Variants in PTPN14 observed in about 807,000 individuals in gnomAD.
PTPN14 encodes the protein tyrosine-protein phosphatase non-receptor type 14.
Under a neutral mutation model 126.8 loss-of-function variants are expected in PTPN14, and 53 were observed. The observed-to-expected ratio is 0.42, with a 90% CI of 0.34 to 0.53. The LOEUF is 0.53. PTPN14 is among the 20% of genes least tolerant of loss of function. The probability of loss-of-function intolerance (pLI) is 0.08; values close to 1 mark genes in which losing one functional copy is unlikely to be tolerated. For missense variants in PTPN14, 1,257 were observed against 1,552.9 expected (o/e 0.81, Z 3.20); for synonymous variants, 630 against 599.3 (o/e 1.05, Z -0.75).
chr1:214,407,926 T>A (rs1029822807), intron 5 of PTPN14, among the ~76,000 whole-genome samples: 3 of 152,072 alleles, frequency 2.0e-5, no homozygotes, highest in Non-Finnish European at 4.4e-5. Flanking sequence ...CTGCCACAAC[T>A]CTCCACCCGT....
At chr1:214,477,766 C>G (rs1660898510) in intron 1 of PTPN14, among the ~76,000 whole-genome samples, 1 of 152,116 alleles carries the variant, frequency 6.6e-6, no homozygotes, top group Non-Finnish European at 1.5e-5. Context: ...CTTCAGTTTT[C>G]AAGTGGGACT....
At chr1:214,481,837 A>AT (rs1660995296) in intron 1 of PTPN14, among the ~76,000 whole-genome samples, 1 of 150,684 alleles carries the variant, frequency 6.6e-6, no homozygotes, top group African/African-American at 2.4e-5. Flanking sequence ...TACAAAAAAA[A>AT]TTAGCTGGGC....
At chr1:214,418,620 T>C (rs1481841082) in intron 3 of PTPN14, among the ~76,000 whole-genome samples, 1 of 152,262 alleles carries the variant, frequency 6.6e-6, no homozygotes, top group Non-Finnish European at 1.5e-5. Flanking sequence ...GTGATTTTTA[T>C]GATGCTTCTA....
intron 11 of PTPN14, among the ~76,000 whole-genome samples, chr1:214,387,941 G>A (rs1658660652): frequency 6.6e-6 from 1 of 152,050 alleles, no homozygotes; most frequent in South Asian, 2.1e-4. Flanking sequence ...TAGCTGTCAA[G>A]ACCACTTGCT....
At chr1:214,411,185 T>C (rs1659301686) in intron 5 of PTPN14, among the ~76,000 whole-genome samples, 1 of 152,182 alleles carries the variant, frequency 6.6e-6, no homozygotes, top group Admixed American at 6.5e-5. Flanking sequence ...CCTAGGTATT[T>C]TTTTTTAATG....
intron 13 of PTPN14, among the ~76,000 whole-genome samples, chr1:214,382,806 A>C (rs537483346): frequency 2.0e-5 from 3 of 152,376 alleles, no homozygotes; most frequent in Non-Finnish European, 4.4e-5. Context: ...AATTACTATA[A>C]TTTTCTTGAA....
At chr1:214,439,577 C>T (rs1572001190) in intron 3 of PTPN14, among the ~76,000 whole-genome samples, 1 of 152,296 alleles carries the variant, frequency 6.6e-6, no homozygotes, top group East Asian at 1.9e-4. Flanking sequence ...TCCCCAGCTG[C>T]AAGCACAAGA....
chr1:214,491,831 T>G (rs1264647695), intron 1 of PTPN14, among the ~76,000 whole-genome samples: 3 of 152,210 alleles, frequency 2.0e-5, no homozygotes, highest in Admixed American at 6.5e-5. Context: ...CTGGGTCACC[T>G]GCCAGAGCAA....
At chr1:214,372,502 G>T in intron 16 of PTPN14, 1 of 648,222 alleles carries the variant, frequency 1.5e-6, no homozygotes, top group Non-Finnish European at 2.6e-6. Context: ...AAAATGGGAG[G>T]AGGAAAAGCT....
chr1:214,485,719 C>A (rs188460695), intron 1 of PTPN14, among the ~76,000 whole-genome samples: 1 of 152,010 alleles, frequency 6.6e-6, no homozygotes, highest in Non-Finnish European at 1.5e-5. Flanking sequence ...GACATCTAGT[C>A]TTTTATATTT....
intron 1 of PTPN14, among the ~76,000 whole-genome samples, chr1:214,526,859 A>C (rs1444249837): frequency 6.6e-6 from 1 of 152,204 alleles, no homozygotes; most frequent in East Asian, 1.9e-4. Flanking sequence ...TCGGAGGCCA[A>C]CGCGGGGGGA....
intron 1 of PTPN14, among the ~76,000 whole-genome samples, chr1:214,522,846 T>C (rs561825430): frequency 5.9e-5 from 9 of 152,214 alleles, no homozygotes; most frequent in Non-Finnish European, 1.0e-4. Flanking sequence ...GGGCAACTCC[T>C]TGTTTAGGAC....
At chr1:214,498,714 T>C (rs1374908381) in intron 1 of PTPN14, among the ~76,000 whole-genome samples, 1 of 152,180 alleles carries the variant, frequency 6.6e-6, no homozygotes, top group Non-Finnish European at 1.5e-5. Flanking sequence ...TGCTGATAAT[T>C]TGGTATAATT....
At position 214,384,002 on chromosome 1, in the gene PTPN14, T is replaced by C. The variant is rs1658542942; in HGVS notation, c.1853A>G (p.His618Arg). ...TFQEDSSPVV[H>R]QSLQEVSEPL... Reference sequence around the variant, plus strand: ...CTCGCTCACCTCCTGGAGAGACTGATGAACCACCGGAGAGCTGTCCTCTTG... The same window carrying C: ...CTCGCTCACCTCCTGGAGAGACTGACGAACCACCGGAGAGCTGTCCTCTTG... The change falls in exon 13 of 19, where the codon CAT becomes CGT. Residue 618 changes from histidine (H) to arginine (R), a missense_variant. Physicochemically the swap from His to Arg is conservative, Grantham distance 29. Around this residue, in one of 3 missense-constraint regions of PTPN14, gnomAD observed 1,021 missense variants for 1,183.3 expected, o/e 0.86. Transcript: ENST00000366956. The surrounding 1 kb of genome is among the most constrained non-coding windows in gnomAD (Gnocchi z 5.3). 5 of 1,607,958 alleles carry C rather than the reference T, an allele frequency of 3.1e-6. No individual in the cohort carries two copies. Among genetic ancestry groups the C allele is most frequent in the Non-Finnish European group, 4.2e-6 (5 of 1,179,542 alleles).
rs558229949 is a variant in PTPN14 at position 214,390,117 on chromosome 1, T to C, written c.987+871A>G. ...ACACTGAATATGAAGAAAAATTCAA[T>C]TGCATTCTATCAGCTTGAAAGAATT... On this transcript the variant is annotated intron_variant, in intron 11 of 18. Coordinates refer to ENST00000366956, the MANE Select transcript of PTPN14 (RefSeq NM_005401.5). 2.6e-5 allele frequency among the ~76,000 whole-genome samples: 4 copies of C among 152,350 alleles called. No homozygotes were observed. The South Asian group carries it at 6.2e-4, about 24-fold the overall frequency.
Position 214,414,715 on chromosome 1 carries a change from T to A in PTPN14, c.356A>T (p.Tyr119Phe). 6.2e-7 allele frequency: 1 copy of A among 1,612,602 alleles called. No individual in the cohort carries two copies. Among genetic ancestry groups the A allele is most frequent in the Non-Finnish European group, 8.5e-7 (1 of 1,178,648 alleles). Reference protein sequence around the residue: ...LQQEATRYQYYLQVKKDVLEG... With the variant: ...LQQEATRYQYFLQVKKDVLEG... ...AAGCACATCTTTTTTGACTTGCAGG[T>A]AATACTGATATCTGTTCATGGGAAT... Residue 119 changes from tyrosine (Y) to phenylalanine (F), a missense_variant, in exon 4 of 19, where the codon TAC (tyrosine) becomes TTC (phenylalanine). Physicochemically the swap from Tyr to Phe is conservative, Grantham distance 22. Around this residue, in one of 3 missense-constraint regions of PTPN14, gnomAD observed 1,021 missense variants for 1,183.3 expected, o/e 0.86. Coordinates refer to ENST00000366956, the MANE Select transcript of PTPN14 (RefSeq NM_005401.5).
intron 8 of PTPN14, among the ~76,000 whole-genome samples, 160 bp from the exon 9 acceptor site, chr1:214,395,146 C>G (rs1306040637): frequency 2.0e-5 from 3 of 152,188 alleles, no homozygotes; most frequent in Admixed American, 6.5e-5. Flanking sequence ...GAAAATGCAA[C>G]ACATATCCAT....
chr1:214,465,947 C>T (rs1474437107), intron 1 of PTPN14, among the ~76,000 whole-genome samples: 1 of 23,472 alleles, frequency 4.3e-5, no homozygotes. Context: ...TAATCAGTTA[C>T]TTCCTTTTTT....
Position 214,402,437 on chromosome 1 carries a change from C to CAAAA in PTPN14, c.581+442_581+445dup, listed in dbSNP as rs1165595746. Among the ~76,000 whole-genome samples the CAAAA allele has an allele frequency of 3.3e-3, 157 of 48,128 alleles. 13 individuals are homozygous for CAAAA. The highest frequency in any genetic ancestry group is 5.0e-3 in the East Asian group (10 of 2,000). The allele number at this position is 48,128 out of a possible 152,430, so 31.6% of individuals were successfully genotyped here. A position where few individuals can be genotyped will look rare whatever the true frequency, so the allele number is the denominator to read the frequency against. On this transcript the variant is annotated intron_variant, in intron 6 of 18. Coordinates refer to ENST00000366956, the MANE Select transcript of PTPN14 (RefSeq NM_005401.5). ...CCTGGGTGACAGAGCGAGACTCTGT[C>CAAAA]AAAAAAAAAAAAAAAAAAAAAAGCC... is the stretch of plus-strand genomic sequence containing the variant.
Sources: gnomAD v4.1 joint callset for allele counts (sites outside exome capture counted in the v4.1 genomes callset) on GRCh38, gnomAD v4.1.1 for gene constraint, gnomAD v4.1.1 regional missense constraint, Gnocchi (gnomAD v3.1) non-coding constraint, MANE v1.5 for transcripts, NCBI Gene and HGNC (gene_info 2026-07-23, HGNC 2026-07-21) for gene names.